ACOXL: variants seen among roughly 807,000 people sequenced by gnomAD.
The protein encoded by ACOXL is acyl-CoA oxidase like.
In ACOXL, 70 loss-of-function variants were observed where a neutral mutation model predicts 71.9. The observed-to-expected ratio is 0.97, with a 90% CI of 0.80 to 1.19. ACOXL has a LOEUF of 1.19. Among genes scored for constraint, ACOXL ranks in the 50% most tolerant of loss-of-function variants. The pLI is 0.00. For synonymous variants in ACOXL, 253 were observed against 281.6 expected, an observed-to-expected ratio of 0.90 and a Z score of 1.02; for missense variants, 703 against 736.3, an observed-to-expected ratio of 0.95 and a Z score of 0.52.
At chr2:110,832,189 G>T (rs1418749768) in intron 9 of ACOXL, among the ~76,000 whole-genome samples, 1 of 152,060 alleles carries the variant, frequency 6.6e-6, no homozygotes. Context: ...ACTCTTTGAG[G>T]TATAGGGCTA....
At chr2:110,744,974 C>T (rs1490738155) in intron 1 of ACOXL, among the ~76,000 whole-genome samples, 1 of 152,178 alleles carries the variant, frequency 6.6e-6, no homozygotes, top group Non-Finnish European at 1.5e-5. Flanking sequence ...AGAATCAAAC[C>T]TGCTCTGAAG....
intron 1 of ACOXL, among the ~76,000 whole-genome samples, chr2:110,751,027 G>A (rs1337490644): frequency 2.0e-5 from 3 of 151,774 alleles, no homozygotes; most frequent in Admixed American, 6.6e-5. Context: ...GGCTGGGCGC[G>A]GTGGCTCACG....
chr2:110,848,825 G>C (rs1034649202), intron 10 of ACOXL, among the ~76,000 whole-genome samples: 4 of 152,164 alleles, frequency 2.6e-5, no homozygotes, highest in African/African-American at 4.8e-5. Flanking sequence ...AGGATCTTTC[G>C]CAAACACAGA....
chr2:110,919,098 G>C (rs2059969655), intron 11 of ACOXL, among the ~76,000 whole-genome samples: 3 of 111,164 alleles, frequency 2.7e-5, no homozygotes, highest in African/African-American at 8.9e-5. Context: ...AAAGACACAT[G>C]CACAGGTAGG....
chr2:110,975,096 T>C (rs950070977), intron 12 of ACOXL, among the ~76,000 whole-genome samples: 3 of 152,164 alleles, frequency 2.0e-5, no homozygotes, highest in Non-Finnish European at 4.4e-5. Context: ...TCTATCAAAT[T>C]TGAACTGAGG....
intron 17 of ACOXL, chr2:111,101,379 GC>G (rs1397817559): frequency 6.6e-6 from 1 of 152,124 alleles, no homozygotes. Context: ...CAGTACATGT[GC>G]CCTGAACTTC....
At chr2:111,085,756 T>C (rs1295697136) in intron 16 of ACOXL, among the ~76,000 whole-genome samples, 4 of 151,416 alleles carry the variant, frequency 2.6e-5, no homozygotes, top group African/African-American at 9.7e-5. Flanking sequence ...GATTGAGACA[T>C]AAAAAAATAC....
chr2:110,974,622 G>A (rs373485101), intron 12 of ACOXL, among the ~76,000 whole-genome samples: 7 of 152,108 alleles, frequency 4.6e-5, no homozygotes, highest in South Asian at 2.1e-4. Context: ...TCATTACTTC[G>A]CAGTGCAGAT....
At chr2:110,993,495 T>C (rs918078972) in intron 13 of ACOXL, among the ~76,000 whole-genome samples, 3 of 152,262 alleles carry the variant, frequency 2.0e-5, no homozygotes, top group Admixed American at 6.5e-5. Context: ...TTGTAGTATT[T>C]TACTTTATGG....
intron 16 of ACOXL, among the ~76,000 whole-genome samples, chr2:111,080,217 C>T (rs766665563): frequency 1.3e-5 from 2 of 152,172 alleles, no homozygotes; most frequent in Non-Finnish European, 2.9e-5. Context: ...TCTCTATCTC[C>T]TTCAGCTCTG....
At chr2:110,800,071 C>A (rs1035210122) in intron 7 of ACOXL, among the ~76,000 whole-genome samples, 1 of 152,200 alleles carries the variant, frequency 6.6e-6, no homozygotes, top group Non-Finnish European at 1.5e-5. Context: ...GAAAAGCTGG[C>A]CACCCCAGCC....
chr2:110,925,424 C>A (rs771718298), intron 11 of ACOXL, among the ~76,000 whole-genome samples: 66 of 152,364 alleles, frequency 4.3e-4, no homozygotes, highest in Non-Finnish European at 9.4e-4. Context: ...GGATAACTTG[C>A]TGCTTAAGCT....
chr2:110,784,863 C>T, intron 3 of ACOXL, 48 bp downstream of exon 3: 1 of 1,527,864 alleles, frequency 6.5e-7, no homozygotes. Context: ...GCTCGCTTTG[C>T]ATGCCAAGGA....
In ACOXL at chr2:110,737,773, C is replaced by T. The variant is rs147387148; in HGVS notation, c.-23+4999C>T. ...GAGGCCTCCTTCCACAGCTTCAGTC[C>T]GGATGGGCTCTTCCTGCGTCTTCAC... On this transcript the variant is annotated intron_variant, in intron 1 of 17. Coordinates refer to ENST00000439055, the MANE Select transcript of ACOXL (RefSeq NM_001142807.4). Among the ~76,000 whole-genome samples the T allele has an allele frequency of 1.1e-3, 160 of 152,304 alleles. 1 individual carries two copies. Among genetic ancestry groups the T allele is most frequent in the African/African-American group, 3.6e-3 (150 of 41,558 alleles).
intron 7 of ACOXL, 93 bp from the exon 8 acceptor site, chr2:110,801,559 A>G: frequency 2.7e-6 from 3 of 1,100,220 alleles, no homozygotes; most frequent in South Asian, 2.7e-5. Flanking sequence ...GAAGTAAAAT[A>G]AGGGGCTTTG....
Position 110,805,307 on chromosome 2 carries a change from G to C in ACOXL, c.665G>C (p.Arg222Thr). ...APDGQYHSPI[R>T]NKSARFNAML... is the part of the protein sequence containing the mutation. ...GATGGACAGTACCATTCGCCTATTA[G>C]GAACAAGAGTGCAAGATTCAATGCC... The change falls in exon 9 of 18, where the codon AGG (arginine) becomes ACG (threonine). Residue 222 changes from arginine to threonine, a missense_variant. By Grantham distance (71) the Arg-to-Thr change is moderately conservative. Transcript: ENST00000439055. 1 of 1,614,228 alleles carries C rather than the reference G, an allele frequency of 6.2e-7. No individual in the cohort carries two copies. Among genetic ancestry groups the C allele is most frequent in the Non-Finnish European group, 8.5e-7 (1 of 1,180,038 alleles).
intron 10 of ACOXL, among the ~76,000 whole-genome samples, chr2:110,901,951 C>T (rs181705341): frequency 2.2e-3 from 334 of 151,932 alleles, no homozygotes; most frequent in African/African-American, 4.9e-3. Flanking sequence ...TGCTTGAACC[C>T]GGGAGGCAGA....
chr2:110,762,078 T>C (rs1404727425), intron 1 of ACOXL, among the ~76,000 whole-genome samples: 1 of 152,224 alleles, frequency 6.6e-6, no homozygotes, highest in Non-Finnish European at 1.5e-5. Flanking sequence ...TTGATCCTTT[T>C]ATAATTATAA....
At chr2:111,046,047 A>C (rs1348086290) in intron 15 of ACOXL, among the ~76,000 whole-genome samples, 1 of 152,236 alleles carries the variant, frequency 6.6e-6, no homozygotes, top group Admixed American at 6.5e-5. Flanking sequence ...CCGGACATCT[A>C]AACACTAGAG....
Sources: allele counts gnomAD v4.1 joint callset (sites outside exome capture counted in the v4.1 genomes callset), GRCh38; gene constraint gnomAD v4.1.1; transcripts MANE v1.5; gene names NCBI Gene and HGNC (gene_info 2026-07-23, HGNC 2026-07-21).